LUC7L2: variants seen among roughly 807,000 people sequenced by gnomAD.
LUC7L2 encodes the protein putative RNA-binding protein Luc7-like 2.
In LUC7L2, 25 loss-of-function variants were observed where a neutral mutation model predicts 52.8. The observed-to-expected ratio is 0.47, with a 90% CI of 0.34 to 0.66. The LOEUF is 0.66. Among genes scored for constraint, LUC7L2 ranks in the 30% least tolerant of loss-of-function variants. LUC7L2 has a pLI of 0.01. For synonymous variants in LUC7L2, 144 were observed against 160.9 expected, an observed-to-expected ratio of 0.89 and a Z score of 0.80; for missense variants, 328 against 497.8, an observed-to-expected ratio of 0.66 and a Z score of 3.25.
intron 1 of LUC7L2, chr7:139,345,559 A>G (rs1334722512): frequency 2.5e-6 from 4 of 1,613,986 alleles, no homozygotes; most frequent in African/African-American, 2.7e-5. Flanking sequence ...GCTGCCACCT[A>G]TCTCTGCCTC....
At chr7:139,374,890 A>G (rs2131211958) in intron 1 of LUC7L2, 1 of 993,908 alleles carries the variant, frequency 1.0e-6, no homozygotes, top group African/African-American at 1.7e-5. Context: ...GTGAAAATAC[A>G]GAAACTAAGT....
intron 1 of LUC7L2, among the ~76,000 whole-genome samples, chr7:139,342,687 C>G: frequency 6.6e-6 from 1 of 152,282 alleles, no homozygotes; most frequent in Non-Finnish European, 1.5e-5. Context: ...GTCTTGAACT[C>G]CTGACCTCAG....
At chr7:139,411,880 A>G (rs1451010225) in intron 7 of LUC7L2, among the ~76,000 whole-genome samples, 1 of 152,212 alleles carries the variant, frequency 6.6e-6, no homozygotes, top group Admixed American at 6.5e-5. Context: ...AATGACAGAT[A>G]TAAAAGAATT....
intron 2 of LUC7L2, among the ~76,000 whole-genome samples, chr7:139,392,092 A>G (rs1225387270): frequency 6.6e-6 from 1 of 152,202 alleles, no homozygotes; most frequent in Non-Finnish European, 1.5e-5. Flanking sequence ...TAGACACTGT[A>G]TGGCTATTCC....
intron 1 of LUC7L2, among the ~76,000 whole-genome samples, chr7:139,368,789 T>C (rs1303772453): frequency 6.6e-6 from 1 of 151,918 alleles, no homozygotes; most frequent in Non-Finnish European, 1.5e-5. Context: ...TAAAGTCTTT[T>C]GTGGTCCCCT....
Position 139,422,208 on chromosome 7 carries a change from CAGAGACAGGAGTTCA to C in LUC7L2, c.1056_1070del (p.Ser354_Ser358del), listed in dbSNP as rs1298810579. On this transcript the variant is annotated inframe_deletion, in exon 10 of 10. Transcript: ENST00000354926. The stretch of plus-strand genomic sequence containing the variant: ...GAGACCAAGACTTAGCATCATGTGA[CAGAGACAGGAGTTCA>C]AGAGACAGATCACCTCGTGACAGAG... 6.2e-7 allele frequency: 1 copy of C among 1,613,916 alleles called. No individual in the cohort carries two copies. The highest frequency in any genetic ancestry group is 2.2e-5 in the East Asian group (1 of 44,880).
At chr7:139,412,217 T>TAAAAAA (rs374245116) in intron 7 of LUC7L2, among the ~76,000 whole-genome samples, 1 of 124,880 alleles carries the variant, frequency 8.0e-6, no homozygotes, top group Non-Finnish European at 1.7e-5. Context: ...ATGTAAAAAT[T>TAAAAAA]AAAAAAAAAA....
chr7:139,390,501 T>A (rs974265946), intron 2 of LUC7L2, among the ~76,000 whole-genome samples: 7 of 151,926 alleles, frequency 4.6e-5, no homozygotes, highest in Non-Finnish European at 1.0e-4. Context: ...AGTGCTGGGG[T>A]TACAGACATG....
At chr7:139,359,673 G>C, upstream of LUC7L2, 1 of 397,890 alleles carries the variant, frequency 2.5e-6, no homozygotes, top group Non-Finnish European at 4.4e-6. Flanking sequence ...GGGAGGGAAT[G>C]TAATGTAAGG....
chr7:139,359,703 T>C (rs375643246), upstream of LUC7L2: 21 of 398,050 alleles, frequency 5.3e-5, no homozygotes, highest in East Asian at 1.8e-4. Flanking sequence ...TCGGGGCGGA[T>C]CCGGCTTGCA....
intron 2 of LUC7L2, among the ~76,000 whole-genome samples, chr7:139,390,092 G>A (rs1052263281): frequency 6.6e-6 from 1 of 152,132 alleles, no homozygotes; most frequent in Non-Finnish European, 1.5e-5. Context: ...ATTCAAGGCC[G>A]CAGTGAGCTA....
At chr7:139,407,886 A>C (rs1258533299) in intron 6 of LUC7L2, among the ~76,000 whole-genome samples, 1 of 152,216 alleles carries the variant, frequency 6.6e-6, no homozygotes, top group East Asian at 1.9e-4. Flanking sequence ...GGAAGACAAC[A>C]CAGTTTTTAC....
upstream of LUC7L2, chr7:139,359,567 C>A (rs999323924): frequency 8.3e-6 from 3 of 360,080 alleles, no homozygotes; most frequent in African/African-American, 2.1e-5. Context: ...TCTCTACTTA[C>A]TTTCCGCCCA....
In LUC7L2 at chr7:139,409,974, G is replaced by A. The variant is rs570114885; in HGVS notation, c.779+320G>A. ...TGTAATTCCAGCACTTTGGGAGGCC[G>A]AGGCGGGTGGATCACGAGGTCAGGA... On this transcript the variant is annotated intron_variant, in intron 7 of 9. Coordinates refer to ENST00000354926, the MANE Select transcript of LUC7L2 (RefSeq NM_016019.5). 9.2e-5 allele frequency among the ~76,000 whole-genome samples: 14 copies of A among 152,248 alleles called. 1 individual carries two copies. The highest frequency in any genetic ancestry group is 2.9e-4 in the African/African-American group (12 of 41,552).
chr7:139,403,183 A>T (rs1794990851), intron 4 of LUC7L2, among the ~76,000 whole-genome samples: 1 of 152,224 alleles, frequency 6.6e-6, no homozygotes, highest in Admixed American at 6.5e-5. Context: ...GTTAAATGTC[A>T]ATATTTCACC....
At chr7:139,375,939 C>T in intron 1 of LUC7L2, 123 bp from the exon 2 acceptor site, 4 of 915,902 alleles carry the variant, frequency 4.4e-6, no homozygotes, top group Non-Finnish European at 3.2e-6. Context: ...AAAACTAATC[C>T]CTCTTGAGCT....
intron 2 of LUC7L2, among the ~76,000 whole-genome samples, chr7:139,397,878 AGT>A (rs1463547284): frequency 6.6e-5 from 10 of 152,174 alleles, no homozygotes; most frequent in Non-Finnish European, 1.2e-4. Context: ...GCTTATTATA[AGT>A]GGGATTAAAT....
upstream of LUC7L2, among the ~76,000 whole-genome samples, chr7:139,358,423 A>T (rs1291133470): frequency 6.6e-6 from 1 of 152,230 alleles, no homozygotes; most frequent in Non-Finnish European, 1.5e-5. Context: ...ACAAATCTCT[A>T]TTATTTCCTT....
At chr7:139,340,772 G>A (rs988858876) in intron 1 of LUC7L2, among the ~76,000 whole-genome samples, 6 of 152,012 alleles carry the variant, frequency 3.9e-5, no homozygotes, top group Admixed American at 2.0e-4. Flanking sequence ...CATCTGGGGT[G>A]GCCTGTGACT....
Sources: gnomAD v4.1 joint callset for allele counts (sites outside exome capture counted in the v4.1 genomes callset) on GRCh38, gnomAD v4.1.1 for gene constraint, MANE v1.5 for transcripts, NCBI Gene and HGNC (gene_info 2026-07-23, HGNC 2026-07-21) for gene names.